The following FXR1 variants were observed in gnomAD, a reference collection of about 807,000 sequenced individuals.
FXR1 encodes RNA-binding protein FXR1.
Under a neutral mutation model 84.0 loss-of-function variants are expected in FXR1, and 15 were observed. That is an observed-to-expected ratio of 0.18 (90% CI 0.12 to 0.27). The LOEUF (loss-of-function observed/expected upper bound fraction) is 0.27. Ranked by LOEUF, FXR1 falls within the 10% of genes least tolerant of loss-of-function variation. The probability of loss-of-function intolerance (pLI) is 1.00; values close to 1 mark genes in which losing one functional copy is unlikely to be tolerated. For synonymous variants in FXR1, 245 were observed against 250.7 expected (o/e 0.98, Z 0.21); for missense variants, 480 against 774.4 (o/e 0.62, Z 4.51).
chr3:180,913,448 A>G (rs551788995), intron 1 of FXR1, among the ~76,000 whole-genome samples: 2 of 152,306 alleles, frequency 1.3e-5, no homozygotes, highest in African/African-American at 2.4e-5. Context: ...GAAATGGATC[A>G]GGGAGATAGG....
intron 3 of FXR1, among the ~76,000 whole-genome samples, chr3:180,947,544 CAG>C (rs1268983444): frequency 6.6e-6 from 1 of 152,130 alleles, no homozygotes. Context: ...ACAATGTTGA[CAG>C]AAACAGGAAG....
At chr3:180,952,537 A>G (rs1199091949) in intron 8 of FXR1, among the ~76,000 whole-genome samples, 1 of 151,904 alleles carries the variant, frequency 6.6e-6, no homozygotes, top group South Asian at 2.1e-4. Flanking sequence ...AGCCTGAGCA[A>G]CAGAGAGCAA....
chr3:180,915,174 AAAAGTT>A (rs751447361), intron 1 of FXR1, among the ~76,000 whole-genome samples: 3 of 152,222 alleles, frequency 2.0e-5, no homozygotes, highest in Non-Finnish European at 2.9e-5. Flanking sequence ...ATTAGAATGT[AAAAGTT>A]AATGTTAATT....
intron 13 of FXR1, among the ~76,000 whole-genome samples, chr3:180,964,931 T>C (rs1197759637): frequency 1.3e-5 from 2 of 151,888 alleles, no homozygotes; most frequent in African/African-American, 4.8e-5. Context: ...AAAAATGATA[T>C]AAACCATCTT....
intron 9 of FXR1, 60 bp from the exon 10 acceptor site, chr3:180,957,759 C>T (rs553965452): frequency 2.6e-5 from 20 of 755,052 alleles, no homozygotes; most frequent in Admixed American, 1.2e-4. Flanking sequence ...GGGGCTGACA[C>T]TGAAAGAATA....
In FXR1 at chr3:180,978,068, A is replaced by G. The variant is rs924294018; in HGVS notation, c.*1776A>G. 6.6e-6 allele frequency: 1 copy of G among 152,050 alleles called. No individual in the cohort carries two copies. The highest frequency in any genetic ancestry group is 6.6e-5 in the Admixed American group (1 of 15,264). 9.4% of individuals were successfully genotyped at this position (152,050 alleles called of 1,614,324 possible). A position where few individuals can be genotyped will look rare whatever the true frequency, so the allele number is the denominator to read the frequency against. On this transcript the variant is annotated 3_prime_UTR_variant, in exon 17 of 17. Transcript: ENST00000357559. ...AATTACCCACAAATGTGTTTTTTTA[A>G]ATCGATCAAAGCTAGCAACAGGTTA...
chr3:180,962,196 C>T (rs1712208905), intron 11 of FXR1, among the ~76,000 whole-genome samples: 1 of 152,146 alleles, frequency 6.6e-6, no homozygotes, highest in African/African-American at 2.4e-5. Context: ...CTGTTCTCTG[C>T]CTCTAGTATG....
Position 180,977,744 on chromosome 3 carries a change from G to GTGTT in FXR1, c.*1453_*1456dup, listed in dbSNP as rs1417859370. On this transcript the variant is annotated 3_prime_UTR_variant, in exon 17 of 17. Coordinates refer to ENST00000357559, the MANE Select transcript of FXR1 (RefSeq NM_005087.4). ...TTTGTTATCACTTGGCATATGAAAA[G>GTGTT]TGTTGTGTGCATAGTTTGTGTTAAT... is the stretch of plus-strand genomic sequence containing the variant. 6.6e-6 allele frequency: 1 copy of GTGTT among 152,086 alleles called. No individual in the cohort carries two copies. The highest frequency in any genetic ancestry group is 2.4e-5 in the African/African-American group (1 of 41,450). 9.4% of individuals were successfully genotyped at this position (152,086 alleles called of 1,614,324 possible).
chr3:180,970,800 A>G (rs1713468328), intron 15 of FXR1: 2 of 191,624 alleles, frequency 1.0e-5, no homozygotes, highest in East Asian at 2.8e-4. Flanking sequence ...ACTGTACTAG[A>G]GAGGAAGACT....
At chr3:180,919,819 G>A (rs1373717372) in intron 1 of FXR1, among the ~76,000 whole-genome samples, 1 of 151,864 alleles carries the variant, frequency 6.6e-6, no homozygotes, top group African/African-American at 2.4e-5. Flanking sequence ...GACTAAAGGT[G>A]CCAGCCACCA....
At chr3:180,925,993 A>C (rs964501597) in intron 1 of FXR1, among the ~76,000 whole-genome samples, 4 of 152,206 alleles carry the variant, frequency 2.6e-5, no homozygotes, top group African/African-American at 9.6e-5. Context: ...CAAACAGCCC[A>C]GTGTCTCTAA....
chr3:180,964,707 T>C (rs1401820809), intron 13 of FXR1, among the ~76,000 whole-genome samples: 1 of 136,796 alleles, frequency 7.3e-6, no homozygotes, highest in Non-Finnish European at 1.5e-5. Context: ...ATATAATGAG[T>C]ACTGTAGTTT....
At chr3:180,969,306 A>AT (rs1261002507) in intron 14 of FXR1, among the ~76,000 whole-genome samples, 1 of 152,240 alleles carries the variant, frequency 6.6e-6, no homozygotes, top group African/African-American at 2.4e-5. Flanking sequence ...CTAGTGTTTT[A>AT]TGATTAATGG....
At chr3:180,921,895 CTTTG>C (rs1156263656) in intron 1 of FXR1, among the ~76,000 whole-genome samples, 5 of 152,134 alleles carry the variant, frequency 3.3e-5, no homozygotes, top group East Asian at 3.9e-4. Flanking sequence ...ATTAGGTAAC[CTTTG>C]TTTGTAGCAC....
chr3:180,954,528 C>T (rs1197764053), intron 9 of FXR1, among the ~76,000 whole-genome samples: 1 of 152,212 alleles, frequency 6.6e-6, no homozygotes, highest in Admixed American at 6.5e-5. Context: ...ATATGCACTA[C>T]ATCTGTGCTG....
chr3:180,931,961 G>A (rs1272365502), intron 1 of FXR1, among the ~76,000 whole-genome samples: 2 of 148,636 alleles, frequency 1.3e-5, no homozygotes, highest in South Asian at 2.1e-4. Context: ...GGATGGTCTC[G>A]AACTCTTGAG....
chr3:180,944,347 G>A (rs1438603308), intron 3 of FXR1, among the ~76,000 whole-genome samples: 1 of 150,902 alleles, frequency 6.6e-6, no homozygotes, highest in African/African-American at 2.4e-5. Context: ...TTGAGACAGG[G>A]TCTCGCTCTG....
intron 1 of FXR1, 116 bp downstream of exon 1, chr3:180,912,852 C>T (rs1717385448): frequency 7.0e-6 from 11 of 1,581,682 alleles, no homozygotes; most frequent in Middle Eastern, 3.4e-4. Flanking sequence ...GGCCAAAGCT[C>T]GAGGCCGCTG....
chr3:180,948,224 T>C, intron 4 of FXR1, 123 bp from the exon 5 acceptor site: 1 of 688,654 alleles, frequency 1.5e-6, no homozygotes, highest in South Asian at 1.9e-5. Context: ...TAAGCTGTGC[T>C]TAGTATTTTA....
Sources: allele counts gnomAD v4.1 joint callset (sites outside exome capture counted in the v4.1 genomes callset), GRCh38; gene constraint gnomAD v4.1.1; transcripts MANE v1.5; gene names NCBI Gene and HGNC (gene_info 2026-07-23, HGNC 2026-07-21).